The following PATJ variants were observed in gnomAD, a reference collection of about 807,000 sequenced individuals.
The protein encoded by PATJ is inaD-like protein.
PATJ carries 190 observed loss-of-function variants against 224.9 expected under a neutral mutation model. That is an observed-to-expected ratio of 0.84 (90% CI 0.75 to 0.95). PATJ has a LOEUF of 0.95. Among genes scored for constraint, PATJ ranks in the 40% least tolerant of loss-of-function variants. The probability of loss-of-function intolerance (pLI) is 0.00; values close to 1 mark genes in which losing one functional copy is unlikely to be tolerated. For missense variants in PATJ, 2,121 were observed against 2,270.3 expected, an observed-to-expected ratio of 0.93 and a Z score of 1.34; for synonymous variants, 769 against 820.3, an observed-to-expected ratio of 0.94 and a Z score of 1.07.
chr1:61,766,593 T>C lies in PATJ; in HGVS notation c.384+120T>C, dbSNP rs1570355087. 12 of 604,922 alleles carry C rather than the reference T, an allele frequency of 2.0e-5. No individual in the cohort carries two copies. In the South Asian group the frequency reaches 2.6e-4, roughly 13 times the overall value. The allele number at this position is 604,922 out of a possible 1,614,324, so 37.5% of individuals were successfully genotyped here. Reference sequence around the variant, plus strand: ...TATTAGTATGTATTTTGCTTGCTTCTATTTTTATATTGTTAGGAGAAACTG... The same window carrying C: ...TATTAGTATGTATTTTGCTTGCTTCCATTTTTATATTGTTAGGAGAAACTG... On this transcript the variant is annotated intron_variant, in intron 4 of 43. Transcript: ENST00000642238.
At chr1:62,053,653 AG>A (rs1324172111) in intron 31 of PATJ, among the ~76,000 whole-genome samples, 1 of 152,060 alleles carries the variant, frequency 6.6e-6, no homozygotes, top group Non-Finnish European at 1.5e-5. Flanking sequence ...TGGGAGATGG[AG>A]GTTGCAGTGA....
intron 8 of PATJ, among the ~76,000 whole-genome samples, chr1:61,789,466 CT>C (rs1322033679): frequency 6.6e-6 from 1 of 152,022 alleles, no homozygotes; most frequent in Non-Finnish European, 1.5e-5. Context: ...TTGCCTTTCT[CT>C]ACTTGGAACA....
intron 1 of PATJ, among the ~76,000 whole-genome samples, chr1:61,748,709 C>T (rs972828972): frequency 2.0e-5 from 3 of 152,022 alleles, no homozygotes; most frequent in African/African-American, 7.2e-5. Flanking sequence ...TAATTATTAG[C>T]TTTTGCAGTG....
At position 61,939,676 on chromosome 1, in the gene PATJ, C is replaced by CTTTTT. The variant is rs71050183; in HGVS notation, c.3670+11869_3670+11873dup. 3.0e-3 allele frequency among the ~76,000 whole-genome samples: 176 copies of CTTTTT among 58,868 alleles called. 43 individuals are homozygous for CTTTTT. Among genetic ancestry groups the CTTTTT allele is most frequent in the Middle Eastern group, 0.01 (1 of 100 alleles). The allele number at this position is 58,868 out of a possible 152,430, so 38.6% of individuals were successfully genotyped here. On this transcript the variant is annotated intron_variant, in intron 27 of 43. Transcript: ENST00000642238. ...AGCATGTATAAAAAGTTTCTATGTGCTTTTTTTTTTTTTTTTTTTTTTTTT... is the reference window on the plus strand; with the variant it reads ...AGCATGTATAAAAAGTTTCTATGTGCTTTTTTTTTTTTTTTTTTTTTTTTTTTTTT...
At chr1:61,824,094 C>T (rs1440637405) in intron 15 of PATJ, among the ~76,000 whole-genome samples, 5 of 152,172 alleles carry the variant, frequency 3.3e-5, no homozygotes, top group Non-Finnish European at 7.4e-5. Context: ...TGGCTGGGCA[C>T]GGCCATATCT....
chr1:61,795,512 C>T lies in PATJ; in HGVS notation c.1214C>T (p.Ala405Val). 6.2e-7 allele frequency: 1 copy of T among 1,610,690 alleles called. No homozygotes were observed. The highest frequency in any genetic ancestry group is 8.5e-7 in the Non-Finnish European group (1 of 1,177,580). The change falls in exon 10 of 44, where the codon GCT (alanine) becomes GTT (valine). Residue 405 changes from alanine to valine, a missense_variant. Transcript: ENST00000642238. ...IYVKSIIPGS[A>V]AYHNGHIQVN... ...GTGAAAAGTATAATACCTGGCAGTG[C>T]TGCGTACCACAATGGCCACATTCAA...
intron 32 of PATJ, 76 bp from the exon 33 acceptor site, chr1:62,084,439 C>T (rs1659684504): frequency 1.3e-6 from 2 of 1,486,922 alleles, no homozygotes; most frequent in Non-Finnish European, 1.8e-6. Flanking sequence ...AAGCCCCACA[C>T]TCCCCACGTG....
At chr1:61,910,536 C>CT (rs71050181) in intron 25 of PATJ, among the ~76,000 whole-genome samples, 5,901 of 42,064 alleles carry the variant, frequency 0.14, 2,025 homozygotes, top group East Asian at 0.29. Context: ...CAAAGTGACT[C>CT]TTTTTTTTTT....
At chr1:61,854,506 C>T (rs1003278770) in intron 17 of PATJ, among the ~76,000 whole-genome samples, 1 of 152,160 alleles carries the variant, frequency 6.6e-6, no homozygotes, top group Non-Finnish European at 1.5e-5. Context: ...ATTTACAACT[C>T]TTTGTTTCCC....
chr1:61,925,622 ATTT>A (rs1165487547), intron 26 of PATJ, among the ~76,000 whole-genome samples: 2 of 152,232 alleles, frequency 1.3e-5, no homozygotes, highest in African/African-American at 2.4e-5. Context: ...AGGCATCACA[ATTT>A]AATTGGTTCT....
chr1:62,138,822 C>T (rs1437908961), intron 41 of PATJ, among the ~76,000 whole-genome samples: 2 of 152,232 alleles, frequency 1.3e-5, no homozygotes, highest in African/African-American at 4.8e-5. Context: ...CCAAACACTA[C>T]AGCTCTGAAG....
At chr1:62,017,743 A>AAAAAAG (rs1553243994) in intron 28 of PATJ, 113 bp from the exon 29 acceptor site, 23 of 517,350 alleles carry the variant, frequency 4.4e-5, no homozygotes, top group African/African-American at 2.6e-4. Context: ...AAAAAAAAAA[A>AAAAAAG]AAAAGAAAAG....
intron 21 of PATJ, among the ~76,000 whole-genome samples, chr1:61,881,746 A>T (rs1324100936): frequency 6.6e-6 from 1 of 152,104 alleles, no homozygotes; most frequent in East Asian, 1.9e-4. Context: ...TTGTTTGATT[A>T]AGCACAATTA....
chr1:61,954,461 G>A (rs1571484065), intron 27 of PATJ, among the ~76,000 whole-genome samples: 1 of 152,096 alleles, frequency 6.6e-6, no homozygotes. Flanking sequence ...TCACTTTAAA[G>A]TATTTTAGGT....
intron 27 of PATJ, among the ~76,000 whole-genome samples, chr1:61,968,621 A>G (rs1682505212): frequency 6.6e-6 from 1 of 152,024 alleles, no homozygotes; most frequent in African/African-American, 2.4e-5. Flanking sequence ...CAGGTTTGTT[A>G]CATGTGTATA....
chr1:62,107,895 G>A (rs1208770216), intron 33 of PATJ, among the ~76,000 whole-genome samples: 1 of 152,136 alleles, frequency 6.6e-6, no homozygotes, highest in African/African-American at 2.4e-5. Flanking sequence ...TTACAAGAAG[G>A]CAGAGTCAGG....
At chr1:61,949,203 A>G (rs937596206) in intron 27 of PATJ, among the ~76,000 whole-genome samples, 1 of 152,090 alleles carries the variant, frequency 6.6e-6, no homozygotes, top group Non-Finnish European at 1.5e-5. Flanking sequence ...CATAGAACTT[A>G]AAGTATAATA....
chr1:61,793,971 C>T (rs1371020738), intron 9 of PATJ, among the ~76,000 whole-genome samples: 1 of 146,956 alleles, frequency 6.8e-6, no homozygotes, highest in African/African-American at 2.5e-5. Context: ...GGCACAGTCT[C>T]GGCTCACTGC....
chr1:62,148,822 A>T (rs1668338647), intron 42 of PATJ, among the ~76,000 whole-genome samples: 1 of 152,120 alleles, frequency 6.6e-6, no homozygotes, highest in Admixed American at 6.6e-5. Context: ...CTCAAACTAG[A>T]ATATGCATAA....
Sources: allele counts gnomAD v4.1 joint callset (sites outside exome capture counted in the v4.1 genomes callset), GRCh38; gene constraint gnomAD v4.1.1; transcripts MANE v1.5; gene names NCBI Gene and HGNC (gene_info 2026-07-23, HGNC 2026-07-21).